NALF1: variants seen among roughly 807,000 people sequenced by gnomAD.
The protein encoded by NALF1 is NALCN channel auxiliary factor 1, also known as family with sequence similarity 155 member A.
NALF1 carries 3 observed loss-of-function variants against 48.4 expected under a neutral mutation model. That is an observed-to-expected ratio of 0.06 (90% CI 0.03 to 0.16). NALF1 has a LOEUF of 0.16. Among genes scored for constraint, NALF1 ranks in the 10% least tolerant of loss-of-function variants. NALF1 has a pLI of 1.00. For synonymous variants in NALF1, 262 were observed against 245.7 expected, an observed-to-expected ratio of 1.07 and a Z score of -0.62; for missense variants, 526 against 571.5, an observed-to-expected ratio of 0.92 and a Z score of 0.81.
At chr13:107,199,630 A>G (rs1879467200) in intron 2 of NALF1, among the ~76,000 whole-genome samples, 1 of 152,180 alleles carries the variant, frequency 6.6e-6, no homozygotes, top group African/African-American at 2.4e-5. Flanking sequence ...TAGATGCCAC[A>G]TCACTTTTCA....
chr13:107,686,897 C>A (rs1881444721), intron 1 of NALF1, among the ~76,000 whole-genome samples: 2 of 152,142 alleles, frequency 1.3e-5, no homozygotes, highest in South Asian at 4.1e-4. Context: ...ATGGGAATTT[C>A]TCAAAGAACT....
At position 107,478,091 on chromosome 13, in the gene NALF1, C is replaced by A. The variant is rs77108795; in HGVS notation, c.916-267336G>T. ...CCCTTTGTCTTAGCAGAGTTAAGCT[C>A]CTAGTTGGGTTTAGTCTGTCTAACT... On this transcript the variant is annotated intron_variant, in intron 1 of 2. Transcript: ENST00000375915. Among the ~76,000 whole-genome samples the A allele has an allele frequency of 5.8e-3, 887 of 152,172 alleles. 30 individuals carry two copies. In the East Asian group the frequency reaches 0.1, roughly 17 times the overall value.
intron 1 of NALF1, among the ~76,000 whole-genome samples, chr13:107,419,728 AAG>A (rs1884154599): frequency 6.6e-6 from 1 of 152,236 alleles, no homozygotes; most frequent in Non-Finnish European, 1.5e-5. Context: ...GAAATATTAA[AAG>A]AGGGAAAATT....
intron 1 of NALF1, among the ~76,000 whole-genome samples, chr13:107,341,216 C>A (rs564286701): frequency 6.6e-6 from 1 of 151,908 alleles, no homozygotes; most frequent in Non-Finnish European, 1.5e-5. Context: ...TTCTCATCAG[C>A]CTACTTTGAT....
At chr13:107,469,596 C>A (rs1279408425) in intron 1 of NALF1, among the ~76,000 whole-genome samples, 2 of 151,966 alleles carry the variant, frequency 1.3e-5, no homozygotes, top group African/African-American at 4.8e-5. Context: ...ACTTATAATA[C>A]CAAGTACAAT....
chr13:107,243,295 C>T (rs1425097827), intron 1 of NALF1, among the ~76,000 whole-genome samples: 1 of 152,112 alleles, frequency 6.6e-6, no homozygotes, highest in East Asian at 1.9e-4. Context: ...TGTCCTCTAC[C>T]CCTTCCTTCT....
chr13:107,485,203 T>G (rs991965155), intron 1 of NALF1, among the ~76,000 whole-genome samples: 3 of 152,146 alleles, frequency 2.0e-5, no homozygotes, highest in Non-Finnish European at 4.4e-5. Flanking sequence ...TGTGATTGTT[T>G]TGGAGATGAA....
chr13:107,642,257 TC>T (rs1406924707), intron 1 of NALF1, among the ~76,000 whole-genome samples: 1 of 152,208 alleles, frequency 6.6e-6, no homozygotes, highest in Non-Finnish European at 1.5e-5. Flanking sequence ...AGGCAGAGTT[TC>T]ACTTATTTAT....
At chr13:107,555,147 G>GT (rs1405439522) in intron 1 of NALF1, among the ~76,000 whole-genome samples, 1 of 151,990 alleles carries the variant, frequency 6.6e-6, no homozygotes, top group Non-Finnish European at 1.5e-5. Flanking sequence ...TAATTATATT[G>GT]TAATTCACCA....
chr13:107,371,916 T>C (rs374411678), intron 1 of NALF1, among the ~76,000 whole-genome samples: 12 of 152,214 alleles, frequency 7.9e-5, no homozygotes, highest in African/African-American at 1.9e-4. Context: ...ATCAAGCTTT[T>C]CCAGACTTCC....
At chr13:107,416,209 A>G (rs9514676) in intron 1 of NALF1, among the ~76,000 whole-genome samples, 32,960 of 147,940 alleles carry the variant, frequency 0.22, 4,057 homozygotes, top group Middle Eastern at 0.28. Context: ...TAGAGACGGG[A>G]TTTCAACGTG....
intron 1 of NALF1, among the ~76,000 whole-genome samples, chr13:107,683,877 G>A (rs1357655076): frequency 6.6e-6 from 1 of 152,160 alleles, no homozygotes; most frequent in Non-Finnish European, 1.5e-5. Flanking sequence ...CCTGCTGAGG[G>A]GACCCACATC....
chr13:107,766,695 C>T (rs1262252452), intron 1 of NALF1, among the ~76,000 whole-genome samples: 2 of 152,096 alleles, frequency 1.3e-5, no homozygotes, highest in Admixed American at 1.3e-4. Flanking sequence ...ATTCAGACAG[C>T]AAATTCAATT....
chr13:107,682,163 G>A (rs1435444614), intron 1 of NALF1, among the ~76,000 whole-genome samples: 1 of 152,140 alleles, frequency 6.6e-6, no homozygotes, highest in African/African-American at 2.4e-5. Flanking sequence ...CTTCAGGCCC[G>A]CATTGATTCC....
chr13:107,182,201 G>A (rs1879077292), intron 2 of NALF1, among the ~76,000 whole-genome samples: 1 of 150,154 alleles, frequency 6.7e-6, no homozygotes, highest in African/African-American at 2.5e-5. Flanking sequence ...TTTGCAATAT[G>A]AGCATATTTA....
chr13:107,239,268 C>T (rs1280171880), intron 1 of NALF1, among the ~76,000 whole-genome samples: 1 of 152,186 alleles, frequency 6.6e-6, no homozygotes, highest in African/African-American at 2.4e-5. Context: ...AGGCCATGCT[C>T]TCTCCAAGGC....
intron 1 of NALF1, among the ~76,000 whole-genome samples, chr13:107,831,238 G>A (rs1340762398): frequency 1.3e-5 from 2 of 152,098 alleles, no homozygotes; most frequent in Admixed American, 6.5e-5. Context: ...TCAAGAAGAC[G>A]ATTTGACCTC....
intron 1 of NALF1, among the ~76,000 whole-genome samples, chr13:107,463,028 A>G (rs1884944654): frequency 6.6e-6 from 1 of 152,218 alleles, no homozygotes; most frequent in Non-Finnish European, 1.5e-5. Context: ...ATGGGCAGAC[A>G]CATAAAAGCA....
chr13:107,258,560 G>GT (rs1468968703), intron 1 of NALF1, among the ~76,000 whole-genome samples: 1 of 152,050 alleles, frequency 6.6e-6, no homozygotes, highest in African/African-American at 2.4e-5. Context: ...ACCTAACTGT[G>GT]TAAATACATG....
Sources: allele counts gnomAD v4.1 joint callset (sites outside exome capture counted in the v4.1 genomes callset), GRCh38; gene constraint gnomAD v4.1.1; transcripts MANE v1.5; gene names NCBI Gene and HGNC (gene_info 2026-07-23, HGNC 2026-07-21).